Variants in GSR observed in about 807,000 individuals in gnomAD.
GSR encodes glutathione-disulfide reductase, also known as glutathione reductase, mitochondrial.
A neutral mutation model predicts 56.5 loss-of-function variants in GSR; 48 were observed. That is an observed-to-expected ratio of 0.85 (90% CI 0.67 to 1.08). The LOEUF is 1.08. Ranked by LOEUF, GSR falls within the 50% of genes least tolerant of loss-of-function variation. The pLI is 0.00. For synonymous variants in GSR, 264 were observed against 270.8 expected (o/e 0.97, Z 0.25); for missense variants, 694 against 703.3 (o/e 0.99, Z 0.15).
chr8:30,703,334 T>C (rs1773320710), intron 4 of GSR, 94 bp from the exon 5 acceptor site: 26 of 1,198,950 alleles, frequency 2.2e-5, no homozygotes, highest in Non-Finnish European at 3.2e-5. Flanking sequence ...TACTGAACAT[T>C]TTGATTCTTG....
chr8:30,698,458 A>C (rs1336526589), intron 6 of GSR, among the ~76,000 whole-genome samples: 2 of 152,214 alleles, frequency 1.3e-5, no homozygotes, highest in Non-Finnish European at 2.9e-5. Context: ...GGTGGATCAC[A>C]GGGAAGGAAG....
At chr8:30,683,421 T>C (rs1468307005) in intron 10 of GSR, among the ~76,000 whole-genome samples, 1 of 152,086 alleles carries the variant, frequency 6.6e-6, no homozygotes, top group Non-Finnish European at 1.5e-5. Context: ...GAGCTTGCAA[T>C]GGTGCTTAGG....
At chr8:30,718,791 C>T (rs935502808) in intron 1 of GSR, among the ~76,000 whole-genome samples, 1 of 152,096 alleles carries the variant, frequency 6.6e-6, no homozygotes, top group Non-Finnish European at 1.5e-5. Flanking sequence ...ACTCTGTCGC[C>T]CAGACTGGAG....
Position 30,708,072 on chromosome 8 carries a change from C to G in GSR, c.492G>C (p.Lys164Asn), listed in dbSNP as rs772896250. The G allele has an allele frequency of 3.6e-5, 58 of 1,609,912 alleles. No homozygotes were observed. The highest frequency in any genetic ancestry group is 4.8e-5 in the Non-Finnish European group (57 of 1,176,286). Residue 164 changes from lysine to asparagine, a missense_variant and splice_region_variant, in exon 4 of 13, where the codon AAG (lysine) becomes AAC (asparagine). Lys to Asn is a moderately conservative substitution (Grantham distance 94, BLOSUM62 0). Coordinates refer to ENST00000221130, the MANE Select transcript of GSR (RefSeq NM_000637.5). ...LNAIYQNNLT[K>N]SHIEIIRGHA... ...AAAGTTAAAAACCCAGCATACACAC[C>G]TTGGTGAGATTGTTTTGATAGATGG...
At chr8:30,702,257 T>C (rs1286787215) in intron 5 of GSR, among the ~76,000 whole-genome samples, 1 of 149,226 alleles carries the variant, frequency 6.7e-6, no homozygotes, top group Non-Finnish European at 1.5e-5. Flanking sequence ...GAGGTGGAGG[T>C]TGCAGTGAGC....
At chr8:30,714,202 C>CTTTTTTTTTTTATTTTTTTTTTTTTTTT (rs1804249566) in intron 1 of GSR, among the ~76,000 whole-genome samples, 1 of 63,960 alleles carries the variant, frequency 1.6e-5, no homozygotes, top group African/African-American at 6.3e-5. Context: ...GTTCTATATG[C>CTTTTTTTTTTTATTTTTTTTTTTTTTTT]TTTTTTTTTT....
At chr8:30,697,235 G>A (rs1803575979) in intron 6 of GSR, among the ~76,000 whole-genome samples, 2 of 151,806 alleles carry the variant, frequency 1.3e-5, no homozygotes. Flanking sequence ...CCAACATGGT[G>A]AACCCCGTCT....
chr8:30,727,801 G>A lies in GSR; in HGVS notation c.35C>T (p.Ala12Val). 1.5e-6 allele frequency: 2 copies of A among 1,314,858 alleles called. No individual in the cohort carries two copies. The highest frequency in any genetic ancestry group is 1.9e-6 in the Non-Finnish European group (2 of 1,033,818). The allele number at this position is 1,314,858 out of a possible 1,614,324, so 81.4% of individuals were successfully genotyped here. A position where few individuals can be genotyped will look rare whatever the true frequency, so the allele number is the denominator to read the frequency against. Residue 12 changes from alanine to valine, a missense_variant, in exon 1 of 13, where the codon GCG becomes GTG. Ala to Val is a moderately conservative substitution (Grantham distance 64). Transcript: ENST00000221130. Reference protein sequence around the residue: ...ALLPRALSAGAGPSWRRAARA... With the variant: ...ALLPRALSAGVGPSWRRAARA... ...CGCCGCCCGCCGCCAGCTCGGTCCC[G>A]CGCCGGCGCTCAGGGCTCGGGGCAG...
chr8:30,679,411 G>A lies in GSR; in HGVS notation c.*109C>T, dbSNP rs1802862254. 1 of 1,097,108 alleles carries A rather than the reference G, an allele frequency of 9.1e-7. No individual in the cohort carries two copies. Among genetic ancestry groups the A allele is most frequent in the African/African-American group, 1.6e-5 (1 of 64,482 alleles). The allele number at this position is 1,097,108 out of a possible 1,614,324, so 68.0% of individuals were successfully genotyped here. A position where few individuals can be genotyped will look rare whatever the true frequency, so the allele number is the denominator to read the frequency against. ...AAAATTTCCACTATCAGAAGATCCTGATTAAAATAAAGAAATACATAAAAC... is the reference window on the plus strand; with the variant it reads ...AAAATTTCCACTATCAGAAGATCCTAATTAAAATAAAGAAATACATAAAAC... On this transcript the variant is annotated 3_prime_UTR_variant, in exon 13 of 13. Coordinates refer to ENST00000221130, the MANE Select transcript of GSR (RefSeq NM_000637.5).
At chr8:30,709,665 A>C in intron 3 of GSR, 149 bp downstream of exon 3, 1 of 693,882 alleles carries the variant, frequency 1.4e-6, no homozygotes, top group South Asian at 1.5e-5. Context: ...ATGGCACTCA[A>C]TTGTATACTT....
intron 8 of GSR, among the ~76,000 whole-genome samples, chr8:30,690,010 A>G (rs1803316513): frequency 2.3e-5 from 1 of 43,062 alleles, no homozygotes; most frequent in Non-Finnish European, 9.4e-5. Context: ...ATATACATAT[A>G]TTATATAATA....
intron 1 of GSR, among the ~76,000 whole-genome samples, chr8:30,713,862 G>T (rs1586064185): frequency 6.6e-6 from 1 of 152,124 alleles, no homozygotes; most frequent in East Asian, 1.9e-4. Flanking sequence ...GCATTTATGG[G>T]GCTATTCCTT....
intron 12 of GSR, 118 bp downstream of exon 12, chr8:30,680,786 C>T: frequency 1.1e-6 from 1 of 875,462 alleles, no homozygotes; most frequent in Non-Finnish European, 1.9e-6. Context: ...CAAAGTGGGC[C>T]TGTCCAGTTG....
intron 3 of GSR, 97 bp from the exon 4 acceptor site, chr8:30,708,238 C>T: frequency 1.1e-6 from 1 of 881,656 alleles, no homozygotes; most frequent in Non-Finnish European, 1.9e-6. Flanking sequence ...CAGAGAATCA[C>T]TGACTGTCAA....
At chr8:30,701,648 C>T (rs986138464) in intron 5 of GSR, among the ~76,000 whole-genome samples, 2 of 150,984 alleles carry the variant, frequency 1.3e-5, no homozygotes, top group Non-Finnish European at 1.5e-5. Context: ...AAAAAATTAG[C>T]TGGACATGGT....
chr8:30,716,336 A>G (rs968765501), intron 1 of GSR, among the ~76,000 whole-genome samples: 1 of 152,204 alleles, frequency 6.6e-6, no homozygotes, highest in African/African-American at 2.4e-5. Flanking sequence ...GCGCCCCAGC[A>G]CAACACACTT....
intron 8 of GSR, among the ~76,000 whole-genome samples, chr8:30,690,021 C>A (rs1168095078): frequency 1.5e-5 from 2 of 129,286 alleles, no homozygotes; most frequent in African/African-American, 2.9e-5. Flanking sequence ...TTATATAATA[C>A]GTATATTTAT....
intron 8 of GSR, among the ~76,000 whole-genome samples, chr8:30,691,478 G>C (rs1436649352): frequency 6.6e-6 from 1 of 151,640 alleles, no homozygotes; most frequent in Non-Finnish European, 1.5e-5. Context: ...GTCAGGAGTT[G>C]GAGACCAGCC....
At chr8:30,682,769 G>A (rs963572454) in intron 10 of GSR, among the ~76,000 whole-genome samples, 6 of 151,574 alleles carry the variant, frequency 4.0e-5, no homozygotes, top group African/African-American at 4.8e-5. Context: ...TAAAGTGCTG[G>A]AATTACAGGC....
Sources: gnomAD v4.1 joint callset for allele counts (sites outside exome capture counted in the v4.1 genomes callset) on GRCh38, gnomAD v4.1.1 for gene constraint, MANE v1.5 for transcripts, NCBI Gene and HGNC (gene_info 2026-07-23, HGNC 2026-07-21) for gene names.